Variants in NCKAP1L observed in about 807,000 individuals in gnomAD.
NCKAP1L encodes nck-associated protein 1-like.
Under a neutral mutation model 139.2 loss-of-function variants are expected in NCKAP1L, and 53 were observed. The observed-to-expected ratio is 0.38, with a 90% CI of 0.31 to 0.48. The LOEUF is 0.48. Ranked by LOEUF, NCKAP1L falls within the 20% of genes least tolerant of loss-of-function variation. NCKAP1L has a pLI of 0.98. For missense variants in NCKAP1L, 1,151 were observed against 1,381.9 expected (o/e 0.83, Z 2.65); for synonymous variants, 468 against 499.7 (o/e 0.94, Z 0.85).
At position 54,516,304 on chromosome 12, in the gene NCKAP1L, T is replaced by G; in HGVS notation, c.998+9T>G. ...CATGTAATTGCAAACAGGTAAAGGG[T>G]GGTGAATGCACTCTCTGAGAGGGGA... On this transcript the variant is annotated intron_variant, in intron 10 of 30. Transcript: ENST00000293373. 1 of 1,612,860 alleles carries G rather than the reference T, an allele frequency of 6.2e-7. No individual in the cohort carries two copies. The highest frequency in any genetic ancestry group is 8.5e-7 in the Non-Finnish European group (1 of 1,178,870).
At chr12:54,534,358 A>C (rs1957097613) in intron 26 of NCKAP1L, among the ~76,000 whole-genome samples, 1 of 152,222 alleles carries the variant, frequency 6.6e-6, no homozygotes, top group Non-Finnish European at 1.5e-5. Context: ...GATCTGTCTC[A>C]CTCCAAAGCT....
In NCKAP1L at chr12:54,537,088, G is replaced by A. The variant is rs375687913; in HGVS notation, c.3183+35G>A. Reference sequence around the variant, plus strand: ...TCTAGGTTATAAAGAATGGAAGATTGCAAAGGGCTGGAATTGGTTTGACTT... The same window carrying A: ...TCTAGGTTATAAAGAATGGAAGATTACAAAGGGCTGGAATTGGTTTGACTT... On this transcript the variant is annotated intron_variant, in intron 29 of 30. Coordinates refer to ENST00000293373, the MANE Select transcript of NCKAP1L (RefSeq NM_005337.5). The A allele has an allele frequency of 5.0e-6, 7 of 1,410,204 alleles. No individual in the cohort carries two copies. The African/African-American group carries it at 5.6e-5, about 11-fold the overall frequency. The allele number at this position is 1,410,204 out of a possible 1,614,324, so 87.4% of individuals were successfully genotyped here. A position where few individuals can be genotyped will look rare whatever the true frequency, so the allele number is the denominator to read the frequency against.
rs1165841354 is a variant in NCKAP1L at position 54,500,566 on chromosome 12, G to A, written c.247G>A (p.Glu83Lys). The A allele has an allele frequency of 3.7e-6, 6 of 1,612,576 alleles. No homozygotes were observed. Among genetic ancestry groups the A allele is most frequent in the Non-Finnish European group, 3.4e-6 (4 of 1,178,968 alleles). The change falls in exon 3 of 31, where the codon GAG becomes AAG. Residue 83 changes from glutamate to lysine, a missense_variant. Physicochemically the swap from Glu to Lys is moderately conservative, Grantham distance 56. Coordinates refer to ENST00000293373, the MANE Select transcript of NCKAP1L (RefSeq NM_005337.5). The stretch of plus-strand genomic sequence containing the variant: ...AGGACCAGTACATCGTGAAAAAGCC[G>A]AGATAATTAGATTCCTCACCAACTA... ...HLGPVHREKA[E>K]IIRFLTNYYQ...
chr12:54,540,596 T>C (rs531268072), intron 30 of NCKAP1L, among the ~76,000 whole-genome samples: 1 of 152,346 alleles, frequency 6.6e-6, no homozygotes, highest in African/African-American at 2.4e-5. Flanking sequence ...CGTAAGGTAT[T>C]ATGCGTGAAA....
chr12:54,514,847 A>G (rs1229702363), intron 9 of NCKAP1L, among the ~76,000 whole-genome samples: 3 of 152,176 alleles, frequency 2.0e-5, no homozygotes, highest in Non-Finnish European at 2.9e-5. Flanking sequence ...AATAATTAGA[A>G]GTTACAGGAG....
chr12:54,543,805 A>C lies in NCKAP1L; in HGVS notation c.*1120A>C, dbSNP rs1214327917. ...CAGGAAATAGTGGCCCCCATGCATC[A>C]CTTCTGTGAATCCACTGCCAGGGAG... is the stretch of plus-strand genomic sequence containing the variant. On this transcript the variant is annotated 3_prime_UTR_variant, in exon 31 of 31. Transcript: ENST00000293373. 6.6e-6 allele frequency: 1 copy of C among 152,228 alleles called. No individual in the cohort carries two copies. The highest frequency in any genetic ancestry group is 2.4e-5 in the African/African-American group (1 of 41,448). The allele number at this position is 152,228 out of a possible 1,614,324, so 9.4% of individuals were successfully genotyped here.
chr12:54,536,990 G>A lies in NCKAP1L; in HGVS notation c.3120G>A (p.Val1040=), dbSNP rs771975049. The A allele has an allele frequency of 1.2e-6, 2 of 1,613,846 alleles. No individual in the cohort carries two copies. The highest frequency in any genetic ancestry group is 1.7e-5 in the Admixed American group (1 of 60,026). ...GCTTGACCAAAGCCATCATCCAGGT[G>A]TCTGCTGCCCTCTTCACGCTCTACA... ...IHCLTKAIIQ[V]SAALFTLYNK... The change falls in exon 29 of 31, where the codon GTG becomes GTA. Residue 1040 remains valine (V), a synonymous_variant. Coordinates refer to ENST00000293373, the MANE Select transcript of NCKAP1L (RefSeq NM_005337.5).
At chr12:54,499,726 C>G (rs1956781732) in intron 2 of NCKAP1L, among the ~76,000 whole-genome samples, 1 of 152,152 alleles carries the variant, frequency 6.6e-6, no homozygotes, top group Admixed American at 6.5e-5. Context: ...CATGGGAAAA[C>G]ATTGTTTTTG....
intron 3 of NCKAP1L, among the ~76,000 whole-genome samples, chr12:54,506,809 A>ATATATATATATATATATATATATATG (rs2120889232): frequency 7.3e-6 from 1 of 136,464 alleles, no homozygotes; most frequent in African/African-American, 2.7e-5. Flanking sequence ...ATATATATAT[A>ATATATATATATATATATATATATATG]TATATATATA....
intron 9 of NCKAP1L, among the ~76,000 whole-genome samples, chr12:54,514,416 G>A (rs1956914259): frequency 6.6e-6 from 1 of 151,862 alleles, no homozygotes; most frequent in Non-Finnish European, 1.5e-5. Flanking sequence ...CCACCTGCCG[G>A]GTTCAAGCGC....
chr12:54,517,017 G>A (rs1431511810), intron 11 of NCKAP1L, 25 bp downstream of exon 11: 12 of 1,588,702 alleles, frequency 7.6e-6, no homozygotes, highest in Admixed American at 5.0e-5. Context: ...TGTTGGGAGG[G>A]GAATGATGGC....
In NCKAP1L at chr12:54,521,375, T is replaced by G. The variant is rs984717032; in HGVS notation, c.1878+137T>G. 3 of 1,197,280 alleles carry G rather than the reference T, an allele frequency of 2.5e-6. No homozygotes were observed. The African/African-American group carries it at 4.6e-5, about 18-fold the overall frequency. 74.2% of individuals were successfully genotyped at this position (1,197,280 alleles called of 1,614,324 possible). ...AGTAGGGCTAGGGCCTTTCTGTACT[T>G]GAGTTTATGGCAGAATTCTTTTCTT... On this transcript the variant is annotated intron_variant, in intron 18 of 30. Transcript: ENST00000293373.
chr12:54,518,864 T>G, intron 14 of NCKAP1L, 50 bp from the exon 15 acceptor site: 1 of 1,531,314 alleles, frequency 6.5e-7, no homozygotes, highest in Non-Finnish European at 9.1e-7. Flanking sequence ...TGTAGTTGGA[T>G]ATTGGTGTGC....
Position 54,499,470 on chromosome 12 carries a change from G to C in NCKAP1L, c.213+5G>C. 6.7e-7 allele frequency: 1 copy of C among 1,491,722 alleles called. No individual in the cohort carries two copies. Among genetic ancestry groups the C allele is most frequent in the Non-Finnish European group, 9.4e-7 (1 of 1,068,638 alleles). 92.4% of individuals were successfully genotyped at this position (1,491,722 alleles called of 1,614,324 possible). On this transcript the variant is annotated splice_donor_5th_base_variant and intron_variant, in intron 2 of 30. Coordinates refer to ENST00000293373, the MANE Select transcript of NCKAP1L (RefSeq NM_005337.5). ...ATAGATGTCCGAAACAGCACGGTGAGAACTTGGTCCTTCTCTCCTTTCTCT... is the reference window on the plus strand; with the variant it reads ...ATAGATGTCCGAAACAGCACGGTGACAACTTGGTCCTTCTCTCCTTTCTCT...
At chr12:54,506,796 A>AAATATATATATATATATATAT in intron 3 of NCKAP1L, among the ~76,000 whole-genome samples, 48 of 50,586 alleles carry the variant, frequency 9.5e-4, no homozygotes, top group South Asian at 3.5e-3. Flanking sequence ...AAAAAAAAAA[A>AAATATATATATATATATATAT]ATATATATAT....
chr12:54,503,048 C>T (rs1362058193), intron 3 of NCKAP1L, among the ~76,000 whole-genome samples: 1 of 150,448 alleles, frequency 6.6e-6, no homozygotes, highest in African/African-American at 2.4e-5. Context: ...AACTAATATA[C>T]AGCCCATATT....
intron 3 of NCKAP1L, among the ~76,000 whole-genome samples, chr12:54,506,799 ATATATAT>A (rs1956844324): frequency 5.4e-5 from 5 of 92,518 alleles, no homozygotes; most frequent in East Asian, 4.0e-4. Context: ...AAAAAAAAAT[ATATATAT>A]ATATATATAT....
intron 10 of NCKAP1L, 22 bp downstream of exon 10, chr12:54,516,317 C>T (rs1956931031): frequency 1.2e-6 from 2 of 1,605,996 alleles, no homozygotes; most frequent in African/African-American, 1.3e-5. Context: ...TGAATGCACT[C>T]TCTGAGAGGG....
intron 13 of NCKAP1L, 44 bp downstream of exon 13, chr12:54,517,982 C>T (rs1464113807): frequency 2.5e-6 from 4 of 1,607,826 alleles, no homozygotes; most frequent in Admixed American, 3.3e-5. Flanking sequence ...TCAGGATGAT[C>T]CCTAGTGATT....
Sources: gnomAD v4.1 joint callset for allele counts (sites outside exome capture counted in the v4.1 genomes callset) on GRCh38, gnomAD v4.1.1 for gene constraint, MANE v1.5 for transcripts, NCBI Gene and HGNC (gene_info 2026-07-23, HGNC 2026-07-21) for gene names.